The following ST8SIA6 variants were observed in gnomAD, a reference collection of about 807,000 sequenced individuals.
The protein encoded by ST8SIA6 is ST8 alpha-N-acetyl-neuraminide alpha-2,8-sialyltransferase 6.
In ST8SIA6, 39 loss-of-function variants were observed where a neutral mutation model predicts 33.6. That is an observed-to-expected ratio of 1.16 (90% CI 0.90 to 1.52). The LOEUF is 1.52. Ranked by LOEUF, ST8SIA6 falls within the 40% of genes most tolerant of loss-of-function variation. The pLI is 0.00. For synonymous variants in ST8SIA6, 172 were observed against 167.2 expected, an observed-to-expected ratio of 1.03 and a Z score of -0.22; for missense variants, 441 against 443.8, an observed-to-expected ratio of 0.99 and a Z score of 0.06.
intron 4 of ST8SIA6, among the ~76,000 whole-genome samples, chr10:17,344,027 G>C (rs755860555): frequency 2.0e-5 from 3 of 152,146 alleles, no homozygotes; most frequent in Admixed American, 1.3e-4. Flanking sequence ...GGGTCAGAGC[G>C]GTGAAGTTAC....
At chr10:17,336,630 C>A (rs1848508199) in intron 4 of ST8SIA6, among the ~76,000 whole-genome samples, 1 of 147,636 alleles carries the variant, frequency 6.8e-6, no homozygotes, top group Non-Finnish European at 1.5e-5. Flanking sequence ...GTCTCACTAC[C>A]TCACCCAGGC....
At chr10:17,426,770 T>A (rs1851951976) in intron 2 of ST8SIA6, among the ~76,000 whole-genome samples, 1 of 152,222 alleles carries the variant, frequency 6.6e-6, no homozygotes, top group Admixed American at 6.5e-5. Flanking sequence ...TTCATGGATC[T>A]ACTGGCAGAA....
intron 2 of ST8SIA6, among the ~76,000 whole-genome samples, chr10:17,398,178 TTAGC>T (rs1355693172): frequency 1.3e-5 from 2 of 151,934 alleles, no homozygotes; most frequent in African/African-American, 4.8e-5. Flanking sequence ...AATACAAAAA[TTAGC>T]TAGGCATGGT....
At chr10:17,412,978 C>G (rs1378908495) in intron 2 of ST8SIA6, among the ~76,000 whole-genome samples, 1 of 152,054 alleles carries the variant, frequency 6.6e-6, no homozygotes, top group Non-Finnish European at 1.5e-5. Context: ...CATCAATTAA[C>G]AAAAGATAAA....
intron 2 of ST8SIA6, 80 bp downstream of exon 2, chr10:17,453,479 G>T: frequency 8.8e-7 from 1 of 1,131,510 alleles, no homozygotes; most frequent in Non-Finnish European, 1.1e-6. Flanking sequence ...CTCCCAACGA[G>T]TCCAAGCCGG....
rs1184527815 is a variant in ST8SIA6 at position 17,360,911 on chromosome 10, A to AAG, written c.291-1312_291-1311insCT. Among the ~76,000 whole-genome samples, 123 of 98,836 alleles carry AAG rather than the reference A, an allele frequency of 1.2e-3. 1 individual carries two copies. In the East Asian group the frequency reaches 0.046, roughly 37 times the overall value. The allele number at this position is 98,836 out of a possible 152,430, so 64.8% of individuals were successfully genotyped here. ...AAAGAAGATGACGAAGAAGAAGAAG[A>AAG]GGAAGAAGGGAAGAAGAAGAGGAAA... On this transcript the variant is annotated intron_variant, in intron 3 of 7. Transcript: ENST00000377602.
At chr10:17,393,492 A>C (rs912353624) in intron 2 of ST8SIA6, among the ~76,000 whole-genome samples, 1 of 152,182 alleles carries the variant, frequency 6.6e-6, no homozygotes, top group African/African-American at 2.4e-5. Context: ...CCTGTATCCA[A>C]ATGTTTGAAC....
chr10:17,413,317 A>G (rs1215018480), intron 2 of ST8SIA6: 1 of 150,468 alleles, frequency 6.6e-6, no homozygotes, highest in Non-Finnish European at 1.5e-5. Flanking sequence ...GTAATAACAT[A>G]TATTTTCTCA....
intron 3 of ST8SIA6, 109 bp from the exon 4 acceptor site, chr10:17,359,709 T>G (rs915431119): frequency 1.8e-6 from 1 of 550,310 alleles, no homozygotes; most frequent in Non-Finnish European, 3.1e-6. Context: ...TTTTTTGATA[T>G]AAGGTGAGGC....
At chr10:17,344,796 A>AG (rs1848778712) in intron 4 of ST8SIA6, among the ~76,000 whole-genome samples, 1 of 152,204 alleles carries the variant, frequency 6.6e-6, no homozygotes, top group Non-Finnish European at 1.5e-5. Context: ...ATACAGGTTA[A>AG]GGGGCTGCAG....
At chr10:17,428,624 G>A (rs1256299184) in intron 2 of ST8SIA6, among the ~76,000 whole-genome samples, 1 of 151,950 alleles carries the variant, frequency 6.6e-6, no homozygotes, top group East Asian at 1.9e-4. Context: ...GAGCTAAGCA[G>A]CCGGCTAGGT....
chr10:17,433,063 G>A (rs989943629), intron 2 of ST8SIA6, among the ~76,000 whole-genome samples: 2 of 152,120 alleles, frequency 1.3e-5, no homozygotes, highest in African/African-American at 2.4e-5. Context: ...TTCATGAATC[G>A]TTTGTTGCTC....
chr10:17,443,678 A>C (rs45440992), intron 2 of ST8SIA6, among the ~76,000 whole-genome samples: 9,738 of 152,272 alleles, frequency 0.064, 382 homozygotes, highest in African/African-American at 0.096. Flanking sequence ...AAATTTGTTT[A>C]AATCTGAGGA....
At chr10:17,355,599 A>C (rs1349181673) in intron 4 of ST8SIA6, among the ~76,000 whole-genome samples, 2 of 152,028 alleles carry the variant, frequency 1.3e-5, no homozygotes, top group Non-Finnish European at 2.9e-5. Flanking sequence ...ACCAGCCCCT[A>C]CCTGCTCTGA....
At chr10:17,437,730 C>T (rs1405678121) in intron 2 of ST8SIA6, among the ~76,000 whole-genome samples, 1 of 149,974 alleles carries the variant, frequency 6.7e-6, no homozygotes, top group Non-Finnish European at 1.5e-5. Flanking sequence ...CCTCCCTTCC[C>T]TCCCTTTCTC....
chr10:17,338,097 C>T (rs374408139), intron 4 of ST8SIA6, among the ~76,000 whole-genome samples: 11 of 148,524 alleles, frequency 7.4e-5, no homozygotes, highest in South Asian at 2.1e-4. Flanking sequence ...TGCAATGGCG[C>T]GATCTCAGCT....
chr10:17,395,435 A>G (rs1485175816), intron 2 of ST8SIA6, among the ~76,000 whole-genome samples: 5 of 152,170 alleles, frequency 3.3e-5, no homozygotes, highest in African/African-American at 4.8e-5. Flanking sequence ...GGGACAGAAA[A>G]AGAAGAGGAC....
At chr10:17,333,680 T>C (rs1350144760) in intron 4 of ST8SIA6, among the ~76,000 whole-genome samples, 1 of 19,468 alleles carries the variant, frequency 5.1e-5, no homozygotes, top group Non-Finnish European at 9.1e-5. Context: ...GGGATATATA[T>C]ATATATATAT....
intron 6 of ST8SIA6, among the ~76,000 whole-genome samples, chr10:17,324,726 C>T (rs1009711661): frequency 3.3e-4 from 48 of 144,860 alleles, no homozygotes; most frequent in Non-Finnish European, 5.7e-4. Flanking sequence ...CACACACACA[C>T]ACACACACAC....
Sources: allele counts gnomAD v4.1 joint callset (sites outside exome capture counted in the v4.1 genomes callset), GRCh38; gene constraint gnomAD v4.1.1; transcripts MANE v1.5; gene names NCBI Gene and HGNC (gene_info 2026-07-23, HGNC 2026-07-21).